The following ARSB variants were observed in gnomAD, a reference collection of about 807,000 sequenced individuals.
ARSB encodes the protein N-acetylgalactosamine-4-sulfatase.
ARSB carries 41 observed loss-of-function variants against 50.9 expected under a neutral mutation model. The ratio of observed to expected loss-of-function variants is 0.81; its 90% CI spans 0.63 to 1.04. The LOEUF is 1.04. Ranked by LOEUF, ARSB falls within the 50% of genes least tolerant of loss-of-function variation. ARSB has a pLI of 0.00. For synonymous variants in ARSB, 269 were observed against 284.8 expected, an observed-to-expected ratio of 0.94 and a Z score of 0.56; for missense variants, 672 against 693.3, an observed-to-expected ratio of 0.97 and a Z score of 0.35.
At chr5:78,828,893 G>A (rs1744553474) in intron 6 of ARSB, among the ~76,000 whole-genome samples, 2 of 152,184 alleles carry the variant, frequency 1.3e-5, no homozygotes, top group Non-Finnish European at 2.9e-5. Context: ...TATCCAGGTG[G>A]GCCCAATGTT....
intron 4 of ARSB, among the ~76,000 whole-genome samples, chr5:78,944,941 C>A (rs1465819149): frequency 6.6e-6 from 1 of 152,214 alleles, no homozygotes. Context: ...TCGAGCTTCC[C>A]GGCCACTTTG....
chr5:78,911,572 T>TAAAAAAAAA lies in ARSB; in HGVS notation c.899-25754_899-25746dup, dbSNP rs71001137. Among the ~76,000 whole-genome samples, 29 of 67,848 alleles carry TAAAAAAAAA rather than the reference T, an allele frequency of 4.3e-4. 2 individuals carry two copies. The highest frequency in any genetic ancestry group is 5.8e-4 in the Non-Finnish European group (23 of 39,328). 44.5% of individuals were successfully genotyped at this position (67,848 alleles called of 152,430 possible). A position where few individuals can be genotyped will look rare whatever the true frequency, so the allele number is the denominator to read the frequency against. On this transcript the variant is annotated intron_variant, in intron 4 of 7. Coordinates refer to ENST00000264914, the MANE Select transcript of ARSB (RefSeq NM_000046.5). ...CTGGGGAACAGAGTGAGACTCCCTCTAAAAAAAAAAAAAAAAAAAAAAAAA... is the reference window on the plus strand; with the variant it reads ...CTGGGGAACAGAGTGAGACTCCCTCTAAAAAAAAAAAAAAAAAAAAAAAAAAAAAAAAAA...
intron 5 of ARSB, among the ~76,000 whole-genome samples, chr5:78,877,326 A>T (rs1177575400): frequency 6.6e-6 from 1 of 152,190 alleles, no homozygotes; most frequent in Non-Finnish European, 1.5e-5. Flanking sequence ...GCTCAAAACG[A>T]TCAAACTGTT....
At chr5:78,924,258 GCAGATAA>G (rs1243518237) in intron 4 of ARSB, among the ~76,000 whole-genome samples, 5 of 152,126 alleles carry the variant, frequency 3.3e-5, no homozygotes, top group Non-Finnish European at 7.3e-5. Context: ...TCCCTATTTT[GCAGATAA>G]CAAAACAGAT....
At chr5:78,809,168 C>T (rs1743701575) in intron 6 of ARSB, among the ~76,000 whole-genome samples, 1 of 152,192 alleles carries the variant, frequency 6.6e-6, no homozygotes, top group Non-Finnish European at 1.5e-5. Flanking sequence ...TGGGCTAGAG[C>T]TACAGGTGCA....
intron 2 of ARSB, among the ~76,000 whole-genome samples, chr5:78,966,926 TA>T (rs35103058): frequency 0.57 from 80,955 of 141,746 alleles, 23,036 homozygotes; most frequent in Middle Eastern, 0.64. Flanking sequence ...CGGGTCCATT[TA>T]AAAAAAAAAA....
intron 1 of ARSB, among the ~76,000 whole-genome samples, chr5:78,978,715 C>G (rs1005786940): frequency 6.6e-6 from 1 of 152,114 alleles, no homozygotes; most frequent in East Asian, 1.9e-4. Context: ...TCAATTGAGT[C>G]TTGACAAGGG....
intron 6 of ARSB, among the ~76,000 whole-genome samples, chr5:78,798,069 T>C (rs1158097284): frequency 2.6e-5 from 4 of 152,190 alleles, no homozygotes; most frequent in Non-Finnish European, 5.9e-5. Context: ...CAACAGGATG[T>C]TATAGATGAT....
chr5:78,945,379 A>C (rs755924826), intron 4 of ARSB, among the ~76,000 whole-genome samples: 107 of 152,250 alleles, frequency 7.0e-4, no homozygotes, highest in Non-Finnish European at 3.2e-4. Flanking sequence ...ACATGTTGGA[A>C]GCTGTAGACT....
At chr5:78,881,818 T>C (rs1237482815) in intron 5 of ARSB, among the ~76,000 whole-genome samples, 1 of 152,258 alleles carries the variant, frequency 6.6e-6, no homozygotes, top group African/African-American at 2.4e-5. Context: ...GCAAGTTCAC[T>C]GAAAAATCAG....
intron 4 of ARSB, among the ~76,000 whole-genome samples, chr5:78,944,791 A>G (rs1751134900): frequency 6.6e-6 from 1 of 151,804 alleles, no homozygotes; most frequent in African/African-American, 2.4e-5. Flanking sequence ...GAGAACCACT[A>G]CTCTCTTCAA....
At chr5:78,941,587 T>C (rs1264478548) in intron 4 of ARSB, among the ~76,000 whole-genome samples, 1 of 152,268 alleles carries the variant, frequency 6.6e-6, no homozygotes, top group African/African-American at 2.4e-5. Flanking sequence ...ATTACCTTTA[T>C]TGATTTGCAT....
intron 5 of ARSB, 137 bp downstream of exon 5, chr5:78,885,447 G>T: frequency 8.0e-7 from 1 of 1,252,898 alleles, no homozygotes. Flanking sequence ...GTCTCTAAAG[G>T]CACTTATTTT....
At chr5:78,933,626 G>C (rs1025779407) in intron 4 of ARSB, among the ~76,000 whole-genome samples, 2 of 152,190 alleles carry the variant, frequency 1.3e-5, no homozygotes, top group Non-Finnish European at 2.9e-5. Context: ...TGCATGTGTG[G>C]TGAATGTTTC....
chr5:78,867,770 G>A (rs1209545216), intron 5 of ARSB, among the ~76,000 whole-genome samples: 1 of 151,610 alleles, frequency 6.6e-6, no homozygotes, highest in Non-Finnish European at 1.5e-5. Context: ...CTCCTCCAAA[G>A]GAACGCAGTT....
intron 4 of ARSB, among the ~76,000 whole-genome samples, chr5:78,891,753 T>C (rs1748304022): frequency 6.6e-6 from 1 of 152,180 alleles, no homozygotes. Flanking sequence ...AGGCTGCTTC[T>C]TAATTAAAGA....
intron 6 of ARSB, 55 bp from the exon 7 acceptor site, chr5:78,782,029 T>C: frequency 6.2e-7 from 1 of 1,610,814 alleles, no homozygotes; most frequent in Non-Finnish European, 8.5e-7. Flanking sequence ...CGTGTTGTTA[T>C]AAATCAGCAT....
At chr5:78,790,827 AC>A (rs1749215752) in intron 6 of ARSB, among the ~76,000 whole-genome samples, 1 of 152,278 alleles carries the variant, frequency 6.6e-6, no homozygotes, top group African/African-American at 2.4e-5. Flanking sequence ...ATAAAACCAA[AC>A]AAAAAAACAA....
At chr5:78,863,700 T>C (rs1746565630) in intron 5 of ARSB, among the ~76,000 whole-genome samples, 1 of 152,086 alleles carries the variant, frequency 6.6e-6, no homozygotes, top group Non-Finnish European at 1.5e-5. Flanking sequence ...GGCACATGTA[T>C]ACATATGTAA....
Sources: allele counts gnomAD v4.1 joint callset (sites outside exome capture counted in the v4.1 genomes callset), GRCh38; gene constraint gnomAD v4.1.1; transcripts MANE v1.5; gene names NCBI Gene and HGNC (gene_info 2026-07-23, HGNC 2026-07-21).